Variants in OR4F16 observed in about 807,000 individuals in gnomAD.
OR4F16 encodes olfactory receptor family 4 subfamily F member 16, also known as olfactory receptor 4F3/4F16/4F29.
chr1:687,285 C>T (rs993254335), upstream of OR4F16, among the ~76,000 whole-genome samples: 4 of 134,360 alleles, frequency 3.0e-5, no homozygotes, highest in African/African-American at 1.2e-4. Context: ...CTCATGCTTA[C>T]TGCTATTTAA....
the OR4F16 span, among the ~76,000 whole-genome samples, chr1:712,576 TAA>T: frequency 3.2e-3 from 458 of 143,270 alleles, 1 homozygote; most frequent in Non-Finnish European, 5.9e-3. Context: ...AAAAATATAA[TAA>T]GAGATAAGGC....
upstream of OR4F16, among the ~76,000 whole-genome samples, chr1:687,239 A>C (rs1333191350): frequency 1.2e-4 from 16 of 131,740 alleles, no homozygotes; most frequent in South Asian, 2.7e-4. Flanking sequence ...GGACTTTCAC[A>C]AGAAATAGAA....
the OR4F16 span, among the ~76,000 whole-genome samples, chr1:711,438 T>C: frequency 6.7e-6 from 1 of 149,006 alleles, no homozygotes; most frequent in East Asian, 2.0e-4. Flanking sequence ...TAATATGCAG[T>C]TCATACTGCC....
chr1:702,457 T>C, the OR4F16 span: 1 of 141,644 alleles, frequency 7.1e-6, no homozygotes, highest in Admixed American at 7.1e-5. Flanking sequence ...TATTCCTAAT[T>C]GTAATAGCTT....
chr1:702,225 T>C, the OR4F16 span: 3 of 112,876 alleles, frequency 2.7e-5, no homozygotes, highest in Admixed American at 2.9e-4. Context: ...CAGGCACCTG[T>C]AATACCAGCT....
At chr1:690,884 A>G, upstream of OR4F16, among the ~76,000 whole-genome samples, 1 of 148,348 alleles carries the variant, frequency 6.7e-6, no homozygotes, top group Non-Finnish European at 1.5e-5. Context: ...ATATATTCTA[A>G]AATAGCTAGC....
the OR4F16 span, among the ~76,000 whole-genome samples, chr1:696,929 TAAA>T: frequency 1.8e-5 from 2 of 113,658 alleles, 1 homozygote; most frequent in Non-Finnish European, 3.1e-5. Flanking sequence ...ATCTTCAAAT[TAAA>T]AGAAAATAGG....
upstream of OR4F16, among the ~76,000 whole-genome samples, chr1:691,254 T>A (rs1279813661): frequency 6.6e-6 from 1 of 152,032 alleles, no homozygotes; most frequent in African/African-American, 2.4e-5. Context: ...GAGGCCTACC[T>A]ACATAAGTGA....
At chr1:702,444 T>C in the OR4F16 span, 1 of 145,138 alleles carries the variant, frequency 6.9e-6, no homozygotes, top group Non-Finnish European at 1.5e-5. Flanking sequence ...TATGATTTCT[T>C]TGTATTCCTA....
At chr1:714,057 ATGTG>A in the OR4F16 span, among the ~76,000 whole-genome samples, 36 of 136,254 alleles carry the variant, frequency 2.6e-4, no homozygotes, top group African/African-American at 7.3e-4. Flanking sequence ...ATATATATAT[ATGTG>A]TGTGTGTATA....
chr1:715,868 A>G, the OR4F16 span, among the ~76,000 whole-genome samples: 4 of 151,254 alleles, frequency 2.6e-5, no homozygotes, highest in African/African-American at 9.8e-5. Flanking sequence ...AAAATAAGAC[A>G]TGTGAAGGAT....
chr1:701,965 T>A, the OR4F16 span: 3 of 149,774 alleles, frequency 2.0e-5, no homozygotes, highest in Non-Finnish European at 4.4e-5. Context: ...CCTGGTAATA[T>A]GAAAAACACA....
chr1:690,126 C>T (rs1241555860), upstream of OR4F16, among the ~76,000 whole-genome samples: 14 of 105,332 alleles, frequency 1.3e-4, no homozygotes, highest in African/African-American at 4.5e-4. Flanking sequence ...CTTTGAAAAG[C>T]ACAGATGATA....
upstream of OR4F16, among the ~76,000 whole-genome samples, chr1:691,384 A>G (rs1643061988): frequency 1.3e-5 from 2 of 152,102 alleles, no homozygotes; most frequent in Admixed American, 1.3e-4. Context: ...TCACTTAAGT[A>G]TATTTCCCAG....
the OR4F16 span, among the ~76,000 whole-genome samples, chr1:679,941 G>A: frequency 3.0e-5 from 4 of 134,788 alleles, 1 homozygote; most frequent in African/African-American, 1.2e-4. Context: ...CAATATCCCT[G>A]ATGAACATCG....
At chr1:719,403 GTAAA>G in the OR4F16 span, among the ~76,000 whole-genome samples, 1 of 23,280 alleles carries the variant, frequency 4.3e-5, no homozygotes, top group African/African-American at 2.5e-4. Flanking sequence ...CAAGACTATG[GTAAA>G]TAAATTTCTC....
At chr1:701,907 T>G in the OR4F16 span, 9 of 151,238 alleles carry the variant, frequency 6.0e-5, no homozygotes, top group Middle Eastern at 3.2e-3. Context: ...CCCCTAAACT[T>G]AAAATAAAAG....
chr1:718,895 AT>A, the OR4F16 span, among the ~76,000 whole-genome samples: 1 of 117,932 alleles, frequency 8.5e-6, no homozygotes, highest in Non-Finnish European at 1.7e-5. Context: ...CGCCTGGCTA[AT>A]TTTTGTACTA....
chr1:691,109 G>C (rs1202781844), upstream of OR4F16, among the ~76,000 whole-genome samples: 3 of 150,812 alleles, frequency 2.0e-5, no homozygotes, highest in Admixed American at 6.6e-5. Flanking sequence ...ACATAAAATA[G>C]GGATAATAAT....
Sources: allele counts gnomAD v4.1 joint callset (sites outside exome capture counted in the v4.1 genomes callset), GRCh38; gene constraint gnomAD v4.1.1; transcripts MANE v1.5; gene names NCBI Gene and HGNC (gene_info 2026-07-23, HGNC 2026-07-21).